SENP7: variants seen among roughly 807,000 people sequenced by gnomAD.
The protein encoded by SENP7 is SUMO specific peptidase 7.
In SENP7, 64 loss-of-function variants were observed where a neutral mutation model predicts 141.2. That is an observed-to-expected ratio of 0.45 (90% CI 0.37 to 0.56). The LOEUF is 0.56. Among genes scored for constraint, SENP7 ranks in the 20% least tolerant of loss-of-function variants. The pLI, the probability that SENP7 is intolerant of heterozygous loss-of-function variation, is 0.00. For synonymous variants in SENP7, 382 were observed against 426.4 expected, an observed-to-expected ratio of 0.90 and a Z score of 1.28; for missense variants, 1,025 against 1,212.2, an observed-to-expected ratio of 0.85 and a Z score of 2.29.
chr3:101,441,437 C>T (rs748588742), intron 4 of SENP7, among the ~76,000 whole-genome samples: 122 of 152,168 alleles, frequency 8.0e-4, no homozygotes, highest in Non-Finnish European at 1.6e-3. Context: ...AGGACCTGCC[C>T]GCACAATACT....
chr3:101,476,951 T>G lies in SENP7; in HGVS notation c.186+16922A>C, dbSNP rs185246053. 1.8e-3 allele frequency among the ~76,000 whole-genome samples: 268 copies of G among 152,298 alleles called. 3 individuals are homozygous for G. Among genetic ancestry groups the G allele is most frequent in the Middle Eastern group, 0.017 (5 of 294 alleles). The stretch of plus-strand genomic sequence containing the variant: ...GCCCACTTTTTGATGGGGTTATTTG[T>G]TTTTTTCTTGTAAATTTGTTTAAGT... On this transcript the variant is annotated intron_variant, in intron 3 of 23. Coordinates refer to ENST00000394095, the MANE Select transcript of SENP7 (RefSeq NM_020654.5).
At chr3:101,454,346 T>C (rs2063270269) in intron 4 of SENP7, among the ~76,000 whole-genome samples, 1 of 151,688 alleles carries the variant, frequency 6.6e-6, no homozygotes, top group Admixed American at 6.6e-5. Context: ...ACCTCAAATA[T>C]ACAAAAAACA....
intron 4 of SENP7, 23 bp from the exon 5 acceptor site, chr3:101,417,813 G>T: frequency 6.6e-7 from 1 of 1,523,866 alleles, no homozygotes; most frequent in Non-Finnish European, 9.1e-7. Context: ...TAAATAATTA[G>T]TATATATGGT....
intron 4 of SENP7, among the ~76,000 whole-genome samples, chr3:101,433,417 T>C (rs1488565741): frequency 6.6e-6 from 1 of 151,242 alleles, no homozygotes; most frequent in Admixed American, 6.6e-5. Context: ...AAATAAGTTC[T>C]TACTTATCAA....
chr3:101,387,194 G>T (rs1157226090), intron 6 of SENP7, among the ~76,000 whole-genome samples: 4 of 152,148 alleles, frequency 2.6e-5, no homozygotes, highest in Non-Finnish European at 5.9e-5. Context: ...GGTCAGCCCT[G>T]CTCACTGCCA....
chr3:101,404,354 A>T (rs1259236319), intron 5 of SENP7, among the ~76,000 whole-genome samples: 2 of 152,198 alleles, frequency 1.3e-5, no homozygotes, highest in Non-Finnish European at 1.5e-5. Flanking sequence ...TGCTGGGAAA[A>T]GAACTAGCCA....
intron 4 of SENP7, among the ~76,000 whole-genome samples, chr3:101,424,573 TC>T (rs2061895590): frequency 6.7e-6 from 1 of 149,880 alleles, no homozygotes; most frequent in African/African-American, 2.5e-5. Context: ...CAGCACACCT[TC>T]CCCCCACACT....
In SENP7 at chr3:101,330,685, C is replaced by T. The variant is rs139219784; in HGVS notation, c.2699-299G>A. On this transcript the variant is annotated intron_variant, in intron 19 of 23. Transcript: ENST00000394095. ...AAAAATAGCTCATTAATCAAAATGT[C>T]TGCTATTTAATGCAGAAGGTAGTTA... Among the ~76,000 whole-genome samples, 1,395 of 152,242 alleles carry T rather than the reference C, an allele frequency of 9.2e-3. 19 individuals are homozygous for T. Among genetic ancestry groups the T allele is most frequent in the African/African-American group, 0.032 (1,323 of 41,532 alleles).
At position 101,385,664 on chromosome 3, in the gene SENP7, T is replaced by C. The variant is rs75508925; in HGVS notation, c.677+13197A>G. On this transcript the variant is annotated intron_variant, in intron 6 of 23. Transcript: ENST00000394095. ...TGCAGAGCTCCTCCAGTGCTCTCAG[T>C]CGATAGCAAAGCCCAGTCAGCTGAC... Among the ~76,000 whole-genome samples, 1,232 of 152,216 alleles carry C rather than the reference T, an allele frequency of 8.1e-3. 19 individuals are homozygous for C. The highest frequency in any genetic ancestry group is 0.028 in the African/African-American group (1,183 of 41,520).
chr3:101,414,387 C>A, intron 5 of SENP7: 1 of 932,686 alleles, frequency 1.1e-6, no homozygotes, highest in Non-Finnish European at 1.8e-6. Flanking sequence ...TCAAGCACTG[C>A]CATGTGCTTC....
intron 4 of SENP7, among the ~76,000 whole-genome samples, chr3:101,421,158 T>G (rs2061780440): frequency 6.6e-6 from 1 of 152,066 alleles, no homozygotes; most frequent in South Asian, 2.1e-4. Context: ...AGCTGAAGTA[T>G]CTGAAGATAA....
intron 5 of SENP7, among the ~76,000 whole-genome samples, chr3:101,409,011 T>C (rs1031943425): frequency 2.0e-5 from 3 of 152,184 alleles, no homozygotes; most frequent in Non-Finnish European, 4.4e-5. Flanking sequence ...GCTGACGCTA[T>C]GATCATTTAC....
chr3:101,371,323 A>G (rs541833577), intron 7 of SENP7, among the ~76,000 whole-genome samples: 1 of 152,274 alleles, frequency 6.6e-6, no homozygotes, highest in South Asian at 2.1e-4. Context: ...AGAGAAAGAG[A>G]AAAGCAAGAA....
intron 4 of SENP7, among the ~76,000 whole-genome samples, chr3:101,454,210 G>A (rs1343732877): frequency 6.6e-6 from 1 of 152,176 alleles, no homozygotes; most frequent in Non-Finnish European, 1.5e-5. Context: ...CAAGATAAAT[G>A]AAAACATATG....
chr3:101,378,202 G>GA (rs1007270596), intron 6 of SENP7, among the ~76,000 whole-genome samples: 3 of 150,564 alleles, frequency 2.0e-5, no homozygotes, highest in Admixed American at 6.6e-5. Context: ...CACTCTAAAA[G>GA]AAAAAAAACC....
intron 6 of SENP7, among the ~76,000 whole-genome samples, chr3:101,379,347 C>A (rs1310257922): frequency 6.6e-6 from 1 of 152,054 alleles, no homozygotes; most frequent in Admixed American, 6.6e-5. Flanking sequence ...AATATGACAA[C>A]AAAAGCACAG....
At chr3:101,471,488 T>C (rs1327903579) in intron 3 of SENP7, among the ~76,000 whole-genome samples, 1 of 152,110 alleles carries the variant, frequency 6.6e-6, no homozygotes, top group Non-Finnish European at 1.5e-5. Flanking sequence ...TGACACCTTA[T>C]ACAAAAATTA....
At chr3:101,478,254 A>C (rs2064302641) in intron 3 of SENP7, among the ~76,000 whole-genome samples, 1 of 152,172 alleles carries the variant, frequency 6.6e-6, no homozygotes, top group African/African-American at 2.4e-5. Flanking sequence ...ACAGTGGCTT[A>C]TGCCTGCAAT....
chr3:101,453,669 G>T (rs529279810), intron 4 of SENP7, among the ~76,000 whole-genome samples: 15 of 151,460 alleles, frequency 9.9e-5, no homozygotes, highest in Non-Finnish European at 2.2e-4. Flanking sequence ...TGAACAATGA[G>T]AACACATGGA....
Sources: gnomAD v4.1 joint callset for allele counts (sites outside exome capture counted in the v4.1 genomes callset) on GRCh38, gnomAD v4.1.1 for gene constraint, MANE v1.5 for transcripts, NCBI Gene and HGNC (gene_info 2026-07-23, HGNC 2026-07-21) for gene names.